TPMT: variants seen among roughly 807,000 people sequenced by gnomAD.
TPMT encodes S-adenosyl-L-methionine:thiopurine S-methyltransferase.
In TPMT, 18 loss-of-function variants were observed where a neutral mutation model predicts 34.2. That is an observed-to-expected ratio of 0.53 (90% CI 0.36 to 0.78). TPMT has a LOEUF of 0.78. Ranked by LOEUF, TPMT falls within the 30% of genes least tolerant of loss-of-function variation. The pLI, the probability that TPMT is intolerant of heterozygous loss-of-function variation, is 0.00. For missense variants in TPMT, 265 were observed against 288.1 expected (o/e 0.92, Z 0.58); for synonymous variants, 69 against 92.4 (o/e 0.75, Z 1.45).
chr6:18,142,011 G>A (rs1784150904), intron 4 of TPMT, among the ~76,000 whole-genome samples: 1 of 152,092 alleles, frequency 6.6e-6, no homozygotes, highest in African/African-American at 2.4e-5. Flanking sequence ...AGATTAGGGT[G>A]GGGCGACCAG....
rs1017477316 is a variant in TPMT at position 18,131,471 on chromosome 6, T to C, written c.625+662A>G. Among the ~76,000 whole-genome samples the C allele has an allele frequency of 2.0e-5, 3 of 151,912 alleles. No individual in the cohort carries two copies. Among genetic ancestry groups the C allele is most frequent in the Non-Finnish European group, 2.9e-5 (2 of 67,988 alleles). ...GGTGCATGCCTCTGGTCCCAGAAAC[T>C]TGGGAGGCTGAGGTGGGAGGATCAC... is the stretch of plus-strand genomic sequence containing the variant. On this transcript the variant is annotated intron_variant, in intron 8 of 8. Transcript: ENST00000309983. This position sits in a 1 kb window ranked among gnomAD's most constrained non-coding sequence, Gnocchi z 4.3.
chr6:18,151,859 T>C (rs566170915), intron 1 of TPMT, among the ~76,000 whole-genome samples: 1 of 152,182 alleles, frequency 6.6e-6, no homozygotes, highest in Non-Finnish European at 1.5e-5. Context: ...TATACTCATA[T>C]AAGAAAAGAA....
chr6:18,133,233 G>A (rs952548051), intron 7 of TPMT, among the ~76,000 whole-genome samples: 4 of 152,178 alleles, frequency 2.6e-5, no homozygotes, highest in South Asian at 2.1e-4. Flanking sequence ...CCATGACAAA[G>A]GTTAAGTTTC....
chr6:18,139,732 T>TG lies in TPMT; in HGVS notation c.367-16dup. The TG allele has an allele frequency of 6.5e-7, 1 of 1,535,992 alleles. No homozygotes were observed. The highest frequency in any genetic ancestry group is 8.8e-7 in the Non-Finnish European group (1 of 1,137,518). On this transcript the variant is annotated splice_polypyrimidine_tract_variant and intron_variant, in intron 4 of 8. Transcript: ENST00000309983. This position sits in a 1 kb window ranked among gnomAD's most constrained non-coding sequence, Gnocchi z 4.2. ...CCCGAAGAACTCTGTAATGAAATAA[T>TG]GAAAAAAAAATTTTTTTTTTTTACT...
chr6:18,132,212 C>G lies in TPMT; in HGVS notation c.581-35G>C. On this transcript the variant is annotated intron_variant, in intron 7 of 8. Transcript: ENST00000309983. This position sits in a 1 kb window ranked among gnomAD's most constrained non-coding sequence, Gnocchi z 4.8. ...AGAGAAATAAATTCTGAGTTTATTT[C>G]CAATGACGTAGGTGTACTTGTTCTA... 2 of 1,600,874 alleles carry G rather than the reference C, an allele frequency of 1.2e-6. No homozygotes were observed.
rs900171893 is a variant in TPMT at position 18,132,314 on chromosome 6, G to A, written c.581-137C>T. ...CTTCTTTTGCAAATCTCATACTAAA[G>A]AAATAAATTGACTTACTGAGAGGAT... is the stretch of plus-strand genomic sequence containing the variant. On this transcript the variant is annotated intron_variant, in intron 7 of 8. Coordinates refer to ENST00000309983, the MANE Select transcript of TPMT (RefSeq NM_000367.5). This position sits in a 1 kb window ranked among gnomAD's most constrained non-coding sequence, Gnocchi z 4.8. 25 of 823,452 alleles carry A rather than the reference G, an allele frequency of 3.0e-5. No individual in the cohort carries two copies. The highest frequency in any genetic ancestry group is 5.1e-5 in the African/African-American group (3 of 58,706). 51.0% of individuals were successfully genotyped at this position (823,452 alleles called of 1,614,324 possible). A position where few individuals can be genotyped will look rare whatever the true frequency, so the allele number is the denominator to read the frequency against.
chr6:18,136,481 T>C lies in TPMT; in HGVS notation c.494+2482A>G, dbSNP rs1360632252. Among the ~76,000 whole-genome samples the C allele has an allele frequency of 2.0e-5, 3 of 152,200 alleles. No individual in the cohort carries two copies. Among genetic ancestry groups the C allele is most frequent in the Non-Finnish European group, 4.4e-5 (3 of 68,036 alleles). Reference sequence around the variant, plus strand: ...AGGAACTTAGTAAATATTTGTTGAATAGCTGAATGAAAGTAACAGAATTGA... The same window carrying C: ...AGGAACTTAGTAAATATTTGTTGAACAGCTGAATGAAAGTAACAGAATTGA... On this transcript the variant is annotated intron_variant, in intron 6 of 8. Coordinates refer to ENST00000309983, the MANE Select transcript of TPMT (RefSeq NM_000367.5). The surrounding 1 kb of genome is among the most constrained non-coding windows in gnomAD (Gnocchi z 4.7).
Position 18,146,581 on chromosome 6 carries a change from T to C in TPMT, c.233+1242A>G, listed in dbSNP as rs1444470761. The stretch of plus-strand genomic sequence containing the variant: ...GCTATTTCATACCATTTTCCTAATG[T>C]TGCCTCAGAACCTGTTTGTACTACA... On this transcript the variant is annotated intron_variant, in intron 3 of 8. Transcript: ENST00000309983. This position sits in a 1 kb window ranked among gnomAD's most constrained non-coding sequence, Gnocchi z 6.2. Among the ~76,000 whole-genome samples, 1 of 152,220 alleles carries C rather than the reference T, an allele frequency of 6.6e-6. No homozygotes were observed. Among genetic ancestry groups the C allele is most frequent in the African/African-American group, 2.4e-5 (1 of 41,468 alleles).
In TPMT at chr6:18,153,045, T is replaced by C. The variant is rs1209016670; in HGVS notation, c.-45+1988A>G. On this transcript the variant is annotated intron_variant, in intron 1 of 8. Transcript: ENST00000309983. This position sits in a 1 kb window ranked among gnomAD's most constrained non-coding sequence, Gnocchi z 4.2. The stretch of plus-strand genomic sequence containing the variant: ...TGTGCATGGTACCCATGAAGCTCAA[T>C]TACTCATGGGTACTTTCCTCCTTTC... 6.6e-6 allele frequency among the ~76,000 whole-genome samples: 1 copy of C among 152,218 alleles called. No homozygotes were observed. Among genetic ancestry groups the C allele is most frequent in the Non-Finnish European group, 1.5e-5 (1 of 68,036 alleles).
Position 18,148,546 on chromosome 6 carries a change from CTTTATAA to C in TPMT, c.140+435_140+441del, listed in dbSNP as rs1191120835. On this transcript the variant is annotated intron_variant, in intron 2 of 8. Coordinates refer to ENST00000309983, the MANE Select transcript of TPMT (RefSeq NM_000367.5). This position sits in a 1 kb window ranked among gnomAD's most constrained non-coding sequence, Gnocchi z 4.1. Reference sequence around the variant, plus strand: ...CTACATTGCACAACATCCTAACTCACTTTATAATTTCTCGCAACTTCTTTTCTCCCAC... The same window carrying C: ...CTACATTGCACAACATCCTAACTCACTTTCTCGCAACTTCTTTTCTCCCAC... Among the ~76,000 whole-genome samples, 2 of 152,214 alleles carry C rather than the reference CTTTATAA, an allele frequency of 1.3e-5. No homozygotes were observed. Among genetic ancestry groups the C allele is most frequent in the African/African-American group, 2.4e-5 (1 of 41,448 alleles).
chr6:18,138,658 A>C lies in TPMT; in HGVS notation c.494+305T>G. On this transcript the variant is annotated intron_variant, in intron 6 of 8. Transcript: ENST00000309983. The surrounding 1 kb of genome is among the most constrained non-coding windows in gnomAD (Gnocchi z 4.1). Reference sequence around the variant, plus strand: ...TAGTGGAGGTGGTGATGATTGTGTTAGTATTACAGAAATATTCCCATTTTG... The same window carrying C: ...TAGTGGAGGTGGTGATGATTGTGTTCGTATTACAGAAATATTCCCATTTTG... Among the ~76,000 whole-genome samples, 1 of 152,204 alleles carries C rather than the reference A, an allele frequency of 6.6e-6. No homozygotes were observed. The highest frequency in any genetic ancestry group is 1.9e-4 in the East Asian group (1 of 5,202).
At chr6:18,137,678 T>C (rs904548797) in intron 6 of TPMT, among the ~76,000 whole-genome samples, 13 of 87,168 alleles carry the variant, frequency 1.5e-4, no homozygotes, top group African/African-American at 6.0e-4. Flanking sequence ...CTCTCATTTA[T>C]ACAGTTCTTT....
Position 18,131,940 on chromosome 6 carries a change from C to A in TPMT, c.625+193G>T, listed in dbSNP as rs1783953083. 6.6e-6 allele frequency among the ~76,000 whole-genome samples: 1 copy of A among 152,108 alleles called. No homozygotes were observed. The highest frequency in any genetic ancestry group is 2.4e-5 in the African/African-American group (1 of 41,428). Reference sequence around the variant, plus strand: ...CTACAGGCACATGCCACCACACTGGCCTAATTTTTGTATTTTTGTAGAGAC... The same window carrying A: ...CTACAGGCACATGCCACCACACTGGACTAATTTTTGTATTTTTGTAGAGAC... On this transcript the variant is annotated intron_variant, in intron 8 of 8. Transcript: ENST00000309983. The surrounding 1 kb of genome is among the most constrained non-coding windows in gnomAD (Gnocchi z 4.3).
intron 1 of TPMT, among the ~76,000 whole-genome samples, chr6:18,152,558 C>T (rs1784371643): frequency 6.6e-6 from 1 of 151,640 alleles, no homozygotes; most frequent in Non-Finnish European, 1.5e-5. Flanking sequence ...TCTCAACTGA[C>T]TGAAGGCACA....
In TPMT at chr6:18,135,289, T is replaced by C. The variant is rs77339739; in HGVS notation, c.495-1400A>G. Among the ~76,000 whole-genome samples the C allele has an allele frequency of 0.043, 6,572 of 152,266 alleles. 164 individuals carry two copies. The highest frequency in any genetic ancestry group is 0.055 in the African/African-American group (2,281 of 41,554). ...CCCATGAGGGGGATGTCAGACTGGT[T>C]TGGTAGGGTTTCCTAGGACTGAAAG... On this transcript the variant is annotated intron_variant, in intron 6 of 8. Coordinates refer to ENST00000309983, the MANE Select transcript of TPMT (RefSeq NM_000367.5). The surrounding 1 kb of genome is among the most constrained non-coding windows in gnomAD (Gnocchi z 5.0).
chr6:18,143,012 A>G lies in TPMT; in HGVS notation c.366+584T>C, dbSNP rs1784173395. On this transcript the variant is annotated intron_variant, in intron 4 of 8. Coordinates refer to ENST00000309983, the MANE Select transcript of TPMT (RefSeq NM_000367.5). This position sits in a 1 kb window ranked among gnomAD's most constrained non-coding sequence, Gnocchi z 6.1. Reference sequence around the variant, plus strand: ...GCTACTTCCCTTCAAATCACTTCCTATGAGGCCTCATGGGTGATTTAAGTA... The same window carrying G: ...GCTACTTCCCTTCAAATCACTTCCTGTGAGGCCTCATGGGTGATTTAAGTA... Among the ~76,000 whole-genome samples the G allele has an allele frequency of 6.6e-6, 1 of 151,676 alleles. No individual in the cohort carries two copies. Among genetic ancestry groups the G allele is most frequent in the African/African-American group, 2.4e-5 (1 of 41,280 alleles).
rs1420983803 is a variant in TPMT, at chr6:18,132,219, C to T, written c.581-42G>A. ...TAAATTCTGAGTTTATTTCCAATGA[C>T]GTAGGTGTACTTGTTCTACATACAA... is the stretch of plus-strand genomic sequence containing the variant. On this transcript the variant is annotated intron_variant, in intron 7 of 8. Coordinates refer to ENST00000309983, the MANE Select transcript of TPMT (RefSeq NM_000367.5). This position sits in a 1 kb window ranked among gnomAD's most constrained non-coding sequence, Gnocchi z 4.8. The T allele has an allele frequency of 3.5e-5, 55 of 1,582,880 alleles. No homozygotes were observed. Among genetic ancestry groups the T allele is most frequent in the Non-Finnish European group, 4.3e-5 (50 of 1,152,364 alleles).
rs768685754 is a variant in TPMT, at chr6:18,140,704, A to C, written c.367-987T>G. Among the ~76,000 whole-genome samples, 9 of 152,100 alleles carry C rather than the reference A, an allele frequency of 5.9e-5. No individual in the cohort carries two copies. The highest frequency in any genetic ancestry group is 3.3e-4 in the Admixed American group (5 of 15,262). On this transcript the variant is annotated intron_variant, in intron 4 of 8. Transcript: ENST00000309983. The surrounding 1 kb of genome is among the most constrained non-coding windows in gnomAD (Gnocchi z 4.7). ...CTCAAAAACAAACACTTGGAGCAAA[A>C]TAATCCTAAAAAATAAACAACAACA...
Position 18,143,520 on chromosome 6 carries a change from T to C in TPMT, c.366+76A>G. ...TAGGAACCATCGGACACATGAATGG[T>C]ATCCTCATAATACTCACACTGAGAA... On this transcript the variant is annotated intron_variant, in intron 4 of 8. Transcript: ENST00000309983. This position sits in a 1 kb window ranked among gnomAD's most constrained non-coding sequence, Gnocchi z 6.1. 1 of 1,570,658 alleles carries C rather than the reference T, an allele frequency of 6.4e-7. No homozygotes were observed. The highest frequency in any genetic ancestry group is 8.7e-7 in the Non-Finnish European group (1 of 1,144,616).
Sources: gnomAD v4.1 joint callset for allele counts (sites outside exome capture counted in the v4.1 genomes callset) on GRCh38, gnomAD v4.1.1 for gene constraint, Gnocchi (gnomAD v3.1) non-coding constraint, MANE v1.5 for transcripts, NCBI Gene and HGNC (gene_info 2026-07-23, HGNC 2026-07-21) for gene names.